ANTXR1: variants seen among roughly 807,000 people sequenced by gnomAD.
ANTXR1 encodes ANTXR cell adhesion molecule 1.
A neutral mutation model predicts 78.1 loss-of-function variants in ANTXR1; 19 were observed. The ratio of observed to expected loss-of-function variants is 0.24; its 90% CI spans 0.17 to 0.36. ANTXR1 has a LOEUF of 0.36. ANTXR1 is among the 10% of genes least tolerant of loss of function. The pLI is 1.00. For synonymous variants in ANTXR1, 273 were observed against 260.5 expected, an observed-to-expected ratio of 1.05 and a Z score of -0.46; for missense variants, 518 against 718.6, an observed-to-expected ratio of 0.72 and a Z score of 3.19.
At chr2:69,057,472 T>C (rs1040569395) in intron 3 of ANTXR1, among the ~76,000 whole-genome samples, 3 of 152,228 alleles carry the variant, frequency 2.0e-5, no homozygotes, top group African/African-American at 7.2e-5. Context: ...ATATCTGTTA[T>C]GGTGATCTGT....
intron 17 of ANTXR1, among the ~76,000 whole-genome samples, chr2:69,215,878 T>C (rs1193698999): frequency 6.6e-6 from 1 of 152,224 alleles, no homozygotes; most frequent in Non-Finnish European, 1.5e-5. Context: ...TCAGATATTC[T>C]ATCAGTTCAA....
rs975194052 is a variant in ANTXR1 at position 69,198,028 on chromosome 2, T to C, written c.1434+4613T>C. Reference sequence around the variant, plus strand: ...TATTACATTGCATATCTTCCCTTTTTGGAGATTGATTTTCAAGTATCTATT... The same window carrying C: ...TATTACATTGCATATCTTCCCTTTTCGGAGATTGATTTTCAAGTATCTATT... On this transcript the variant is annotated intron_variant, in intron 17 of 17. Coordinates refer to ENST00000303714, the MANE Select transcript of ANTXR1 (RefSeq NM_032208.3). Among the ~76,000 whole-genome samples the C allele has an allele frequency of 2.0e-5, 3 of 152,222 alleles. No individual in the cohort carries two copies. In the East Asian group the frequency reaches 5.8e-4, roughly 29 times the overall value.
chr2:69,161,772 G>A (rs2104441958), intron 13 of ANTXR1, among the ~76,000 whole-genome samples: 1 of 152,284 alleles, frequency 6.6e-6, no homozygotes. Flanking sequence ...TGACATTAAA[G>A]CCCTTATTAG....
chr2:69,103,510 T>C (rs1318106695), intron 10 of ANTXR1: 1 of 165,750 alleles, frequency 6.0e-6, no homozygotes, highest in Non-Finnish European at 1.4e-5. Context: ...GAAACTCTCA[T>C]CGTGGTGAAT....
intron 3 of ANTXR1, among the ~76,000 whole-genome samples, chr2:69,054,060 C>T (rs181556160): frequency 6.6e-6 from 1 of 152,130 alleles, no homozygotes; most frequent in African/African-American, 2.4e-5. Flanking sequence ...TTATTAAGGG[C>T]TTATTATATA....
At chr2:69,018,877 C>T (rs1196328794) in intron 1 of ANTXR1, among the ~76,000 whole-genome samples, 1 of 152,148 alleles carries the variant, frequency 6.6e-6, no homozygotes, top group Non-Finnish European at 1.5e-5. Flanking sequence ...AATCATGGTG[C>T]ATAAGGCGAT....
chr2:69,044,631 G>A, intron 2 of ANTXR1, 111 bp from the exon 3 acceptor site: 2 of 1,177,132 alleles, frequency 1.7e-6, no homozygotes, highest in Non-Finnish European at 2.6e-6. Flanking sequence ...TGGGTTATGG[G>A]TCTTCAGTTC....
At chr2:69,185,715 C>T (rs1178153702) in intron 16 of ANTXR1, among the ~76,000 whole-genome samples, 1 of 152,158 alleles carries the variant, frequency 6.6e-6, no homozygotes, top group Admixed American at 6.5e-5. Context: ...AGGAGAGCCA[C>T]ATTAATGTTC....
At chr2:69,064,402 C>A (rs866077640) in intron 3 of ANTXR1, among the ~76,000 whole-genome samples, 1 of 152,184 alleles carries the variant, frequency 6.6e-6, no homozygotes, top group Middle Eastern at 3.4e-3. Flanking sequence ...TGCAACAGTC[C>A]AACAAAACAA....
chr2:69,167,804 C>T (rs7565651), intron 13 of ANTXR1, among the ~76,000 whole-genome samples: 78,977 of 152,044 alleles, frequency 0.52, 22,208 homozygotes, highest in East Asian at 0.77. Context: ...ACTTACAGTG[C>T]GTCAATGTGA....
intron 17 of ANTXR1, 42 bp downstream of exon 17, chr2:69,193,457 T>TCACACACACACACA (rs763774448): frequency 8.6e-7 from 1 of 1,156,444 alleles, no homozygotes; most frequent in African/African-American, 2.1e-5. Flanking sequence ...TCTCTCTCTC[T>TCACACACACACACA]CTCACATACA....
intron 12 of ANTXR1, among the ~76,000 whole-genome samples, chr2:69,131,344 T>C (rs11903437): frequency 0.2 from 30,036 of 152,114 alleles, 3,573 homozygotes; most frequent in East Asian, 0.42. Flanking sequence ...CCTCCTCTCA[T>C]GCAAAGGCCT....
At chr2:69,146,049 A>G in intron 12 of ANTXR1, 1 of 985,484 alleles carries the variant, frequency 1.0e-6, no homozygotes, top group Non-Finnish European at 1.2e-6. Context: ...TTGGCCATTC[A>G]AGCCGGGCAG....
chr2:69,223,966 CTG>C (rs1675382248), intron 17 of ANTXR1, among the ~76,000 whole-genome samples: 1 of 152,208 alleles, frequency 6.6e-6, no homozygotes, highest in African/African-American at 2.4e-5. Flanking sequence ...GGCATATAAA[CTG>C]TGTTCTCATC....
chr2:69,181,759 C>G (rs1558626979), intron 14 of ANTXR1, 27 bp from the exon 15 acceptor site: 1 of 1,612,004 alleles, frequency 6.2e-7, no homozygotes. Flanking sequence ...TGTTTTGCTT[C>G]CTTCATGTGC....
At position 69,090,942 on chromosome 2, in the gene ANTXR1, T is replaced by C. The variant is rs772932392; in HGVS notation, c.703+23T>C. The stretch of plus-strand genomic sequence containing the variant: ...GAGGTAAATTGAAATGAAATGCTAA[T>C]TGCTTTCATACAATTGATGATATTT... On this transcript the variant is annotated intron_variant, in intron 9 of 17. Coordinates refer to ENST00000303714, the MANE Select transcript of ANTXR1 (RefSeq NM_032208.3). 8 of 1,608,196 alleles carry C rather than the reference T, an allele frequency of 5.0e-6. No individual in the cohort carries two copies. In the South Asian group the frequency reaches 7.7e-5, roughly 15 times the overall value.
At chr2:69,042,538 C>T (rs1483772340) in intron 2 of ANTXR1, among the ~76,000 whole-genome samples, 2 of 152,188 alleles carry the variant, frequency 1.3e-5, no homozygotes, top group Non-Finnish European at 2.9e-5. Context: ...CTGGCTCCTT[C>T]CCCACAGTCT....
At chr2:69,067,819 C>CT (rs111571831) in intron 3 of ANTXR1, among the ~76,000 whole-genome samples, 21 of 152,336 alleles carry the variant, frequency 1.4e-4, no homozygotes, top group African/African-American at 4.8e-4. Context: ...TGCACTGCCC[C>CT]CAGCATGGCC....
At chr2:69,119,321 C>G (rs1228177173) in intron 10 of ANTXR1, among the ~76,000 whole-genome samples, 1 of 152,204 alleles carries the variant, frequency 6.6e-6, no homozygotes, top group African/African-American at 2.4e-5. Context: ...CAGAAGGCAG[C>G]CAGAGTCACA....
Sources: gnomAD v4.1 joint callset for allele counts (sites outside exome capture counted in the v4.1 genomes callset) on GRCh38, gnomAD v4.1.1 for gene constraint, MANE v1.5 for transcripts, NCBI Gene and HGNC (gene_info 2026-07-23, HGNC 2026-07-21) for gene names.